The following MDN1 variants were observed in gnomAD, a reference collection of about 807,000 sequenced individuals.
MDN1 encodes the protein midasin.
Under a neutral mutation model 669.2 loss-of-function variants are expected in MDN1, and 266 were observed. The observed-to-expected ratio is 0.40, with a 90% CI of 0.36 to 0.44. The LOEUF (loss-of-function observed/expected upper bound fraction) is 0.44, where lower values mean the gene tolerates loss of function less well. MDN1 is among the 20% of genes least tolerant of loss of function. The pLI is 1.00. For missense variants in MDN1, 5,940 were observed against 6,754.0 expected (o/e 0.88, Z 4.22); for synonymous variants, 2,385 against 2,457.1 (o/e 0.97, Z 0.87).
chr6:89,685,676 C>G, intron 70 of MDN1, 151 bp downstream of exon 70: 1 of 858,748 alleles, frequency 1.2e-6, no homozygotes, highest in Non-Finnish European at 1.7e-6. Context: ...GAATGTTCTT[C>G]TCTATATCTA....
intron 34 of MDN1, among the ~76,000 whole-genome samples, chr6:89,731,711 G>A (rs972800285): frequency 1.3e-4 from 20 of 151,868 alleles, no homozygotes; most frequent in Non-Finnish European, 2.4e-4. Context: ...AACCACCATG[G>A]CACATGTATA....
In MDN1 at chr6:89,794,640, C is replaced by T. The variant is rs772744423; in HGVS notation, c.491G>A (p.Arg164Gln). 1.7e-5 allele frequency: 27 copies of T among 1,613,872 alleles called. No homozygotes were observed. The highest frequency in any genetic ancestry group is 1.7e-4 in the Middle Eastern group (1 of 5,946). ...ACACACACTCCAGTCCCAGAGCTCC[C>T]GGAACACAGACTGCTCCTGCTGCAG... Reference protein sequence around the residue: ...KFLQQEQSVFRELWDWSVCVP... With the variant: ...KFLQQEQSVFQELWDWSVCVP... The change falls in exon 3 of 102, where the codon CGG (arginine) becomes CAG (glutamine). Residue 164 changes from arginine to glutamine, a missense_variant. Physicochemically the swap from Arg to Gln is conservative, Grantham distance 43. Coordinates refer to ENST00000369393, the MANE Select transcript of MDN1 (RefSeq NM_014611.3).
chr6:89,737,072 T>C (rs1204091319), intron 33 of MDN1, among the ~76,000 whole-genome samples: 4 of 152,158 alleles, frequency 2.6e-5, no homozygotes, highest in Non-Finnish European at 5.9e-5. Flanking sequence ...AGTCAATTCT[T>C]ATGCCACTGG....
At chr6:89,725,929 A>C (rs1157614953) in intron 37 of MDN1, among the ~76,000 whole-genome samples, 1 of 61,378 alleles carries the variant, frequency 1.6e-5, no homozygotes, top group African/African-American at 1.0e-4. Flanking sequence ...CTGGTATTTT[A>C]TACACACACA....
chr6:89,670,033 T>G (rs1245470361), intron 83 of MDN1, among the ~76,000 whole-genome samples: 1 of 150,408 alleles, frequency 6.6e-6, no homozygotes. Flanking sequence ...TGAAACCCTG[T>G]CTCTACTAAA....
intron 88 of MDN1, among the ~76,000 whole-genome samples, chr6:89,660,255 G>A (rs2128300891): frequency 6.6e-6 from 1 of 152,232 alleles, no homozygotes; most frequent in South Asian, 2.1e-4. Flanking sequence ...GCGAGATCAT[G>A]GCCTACTGCA....
At chr6:89,721,314 C>G (rs1190760256) in intron 40 of MDN1, among the ~76,000 whole-genome samples, 1 of 152,160 alleles carries the variant, frequency 6.6e-6, no homozygotes, top group Non-Finnish European at 1.5e-5. Context: ...CTAACTCAAG[C>G]CATTGGCACA....
intron 15 of MDN1, among the ~76,000 whole-genome samples, chr6:89,767,069 C>T (rs11962292): frequency 0.1 from 15,191 of 152,126 alleles, 979 homozygotes; most frequent in South Asian, 0.16. Flanking sequence ...CCCTTTAGTG[C>T]TAGACTTTCT....
At chr6:89,688,843 T>G (rs1438493348) in intron 65 of MDN1, 35 bp from the exon 66 acceptor site, 14 of 1,547,754 alleles carry the variant, frequency 9.0e-6, no homozygotes, top group Non-Finnish European at 1.2e-5. Context: ...GTCAGTGAAT[T>G]CAGTAAGTTG....
In MDN1 at chr6:89,712,172, C is replaced by A; in HGVS notation, c.7515G>T (p.Val2505=). Residue 2505 remains valine (V), a synonymous_variant, in exon 49 of 102, where the codon GTG becomes GTT. Coordinates refer to ENST00000369393, the MANE Select transcript of MDN1 (RefSeq NM_014611.3). ...PENLKFNAVE[V]NTYWIDEPDV... is the part of the protein sequence containing the mutation. ...CTGGTTCATCGATCCAGTAAGTATT[C>A]ACTTCGACTGCATTGAATTTCAGGT... 6.2e-7 allele frequency: 1 copy of A among 1,614,124 alleles called. No homozygotes were observed. Among genetic ancestry groups the A allele is most frequent in the South Asian group, 1.1e-5 (1 of 91,072 alleles).
chr6:89,761,551 T>A, intron 17 of MDN1, 94 bp downstream of exon 17: 1 of 808,666 alleles, frequency 1.2e-6, no homozygotes. Context: ...AAAATCATTA[T>A]TTCATTAAGA....
At chr6:89,676,583 GGTT>G (rs1811209522) in intron 76 of MDN1, among the ~76,000 whole-genome samples, 1 of 152,180 alleles carries the variant, frequency 6.6e-6, no homozygotes, top group Non-Finnish European at 1.5e-5. Context: ...AAGACACAGG[GGTT>G]GTTGAGGGCT....
At position 89,695,473 on chromosome 6, in the gene MDN1, T is replaced by C; in HGVS notation, c.9771+132A>G. On this transcript the variant is annotated intron_variant, in intron 61 of 101. Coordinates refer to ENST00000369393, the MANE Select transcript of MDN1 (RefSeq NM_014611.3). This position sits in a 1 kb window ranked among gnomAD's most constrained non-coding sequence, Gnocchi z 4.1. Reference sequence around the variant, plus strand: ...GTCTCTAAAACAGACTCCTGGGAAGTCATAAGGCAACTTATGCAATATCAT... The same window carrying C: ...GTCTCTAAAACAGACTCCTGGGAAGCCATAAGGCAACTTATGCAATATCAT... The C allele has an allele frequency of 8.5e-7, 1 of 1,175,732 alleles. No homozygotes were observed. The highest frequency in any genetic ancestry group is 1.2e-6 in the Non-Finnish European group (1 of 843,114). 72.8% of individuals were successfully genotyped at this position (1,175,732 alleles called of 1,614,324 possible).
At chr6:89,739,042 A>C (rs1816150722) in intron 32 of MDN1, among the ~76,000 whole-genome samples, 1 of 152,206 alleles carries the variant, frequency 6.6e-6, no homozygotes, top group Admixed American at 6.5e-5. Flanking sequence ...ATGCCACATA[A>C]GCATCATTAT....
chr6:89,780,124 C>G, intron 11 of MDN1, 88 bp downstream of exon 11: 1 of 694,730 alleles, frequency 1.4e-6, no homozygotes, highest in Non-Finnish European at 2.3e-6. Context: ...AGAAAAAAGT[C>G]TGATGGCAAT....
rs999596729 is a variant in MDN1, at chr6:89,701,993, T to C, written c.8217A>G (p.Pro2739=). 9 of 1,613,758 alleles carry C rather than the reference T, an allele frequency of 5.6e-6. No individual in the cohort carries two copies. Among genetic ancestry groups the C allele is most frequent in the Admixed American group, 1.7e-5 (1 of 59,994 alleles). Residue 2739 remains proline, a synonymous_variant, in exon 54 of 102, where the codon CCA becomes CCG. Transcript: ENST00000369393. ...TVADTVKVDA[P]GLALLALHWH... Reference sequence around the variant, plus strand: ...AATGGAGGGCAAGAAGGGCCAGACCTGGGGCATCTACTTTTACTGTGTCGG... The same window carrying C: ...AATGGAGGGCAAGAAGGGCCAGACCCGGGGCATCTACTTTTACTGTGTCGG...
In MDN1 at chr6:89,677,689, C is replaced by T. The variant is rs372433374; in HGVS notation, c.12420G>A (p.Ser4140=). 150 of 1,613,908 alleles carry T rather than the reference C, an allele frequency of 9.3e-5. No individual in the cohort carries two copies. The Middle Eastern group carries it at 3.3e-3, about 35-fold the overall frequency. The change falls in exon 76 of 102, where the codon TCG becomes TCA. Residue 4140 remains serine (S), a synonymous_variant. Transcript: ENST00000369393. ...GGGCCCAAGCAAGACCTTTGCGATA[C>T]GACAAACCTAGGAAATAAACAGCAT... ...LFKHLAKIGL[S]YRKGLAWARS...
chr6:89,768,731 T>C (rs1395719923), intron 15 of MDN1, among the ~76,000 whole-genome samples: 1 of 151,926 alleles, frequency 6.6e-6, no homozygotes, highest in Non-Finnish European at 1.5e-5. Flanking sequence ...AGTGAGACCC[T>C]GTCCCCCCCC....
intron 50 of MDN1, among the ~76,000 whole-genome samples, chr6:89,710,021 C>G (rs890915741): frequency 1.3e-5 from 2 of 152,180 alleles, no homozygotes; most frequent in Admixed American, 1.3e-4. Flanking sequence ...CTCTCTCAAC[C>G]TCCCAGGTAG....
Sources: allele counts gnomAD v4.1 joint callset (sites outside exome capture counted in the v4.1 genomes callset), GRCh38; gene constraint gnomAD v4.1.1; non-coding constraint Gnocchi (gnomAD v3.1); transcripts MANE v1.5; gene names NCBI Gene and HGNC (gene_info 2026-07-23, HGNC 2026-07-21).